Variants in DCC observed in about 807,000 individuals in gnomAD.
DCC encodes the protein netrin receptor DCC.
Under a neutral mutation model 172.5 loss-of-function variants are expected in DCC, and 58 were observed. The ratio of observed to expected loss-of-function variants is 0.34; its 90% CI spans 0.27 to 0.42. The LOEUF (loss-of-function observed/expected upper bound fraction) is 0.42, where lower values mean the gene tolerates loss of function less well. DCC is among the 10% of genes least tolerant of loss of function. The pLI is 1.00. For synonymous variants in DCC, 709 were observed against 644.5 expected (o/e 1.10, Z -1.52); for missense variants, 1,740 against 1,791.0 (o/e 0.97, Z 0.51).
chr18:53,414,152 A>G (rs771634331), intron 20 of DCC, among the ~76,000 whole-genome samples: 1 of 152,200 alleles, frequency 6.6e-6, no homozygotes, highest in Non-Finnish European at 1.5e-5. Context: ...ATGTTTGTTA[A>G]ATCTTGACAA....
At chr18:52,632,628 G>A (rs1370752867) in intron 1 of DCC, among the ~76,000 whole-genome samples, 3 of 152,144 alleles carry the variant, frequency 2.0e-5, no homozygotes, top group South Asian at 2.1e-4. Context: ...CTTTTCTCCT[G>A]TTATCCTTCT....
At chr18:53,294,654 A>G (rs1455786623) in intron 12 of DCC, among the ~76,000 whole-genome samples, 1 of 152,022 alleles carries the variant, frequency 6.6e-6, no homozygotes, top group African/African-American at 2.4e-5. Flanking sequence ...ATGAAGGGGG[A>G]CTCACCCGGA....
chr18:53,515,480 A>T (rs2144562845), intron 27 of DCC, among the ~76,000 whole-genome samples: 1 of 149,984 alleles, frequency 6.7e-6, no homozygotes, highest in African/African-American at 2.4e-5. Flanking sequence ...AATAAAGGGT[A>T]TTCAATTAGG....
intron 12 of DCC, among the ~76,000 whole-genome samples, chr18:53,247,076 A>G (rs1441677355): frequency 6.6e-6 from 1 of 152,084 alleles, no homozygotes; most frequent in African/African-American, 2.4e-5. Context: ...TTACACTTCT[A>G]CTGAAGTAAA....
Position 53,450,473 on chromosome 18 carries a change from G to A in DCC, c.3230-27G>A, listed in dbSNP as rs748891932. 4.3e-6 allele frequency: 7 copies of A among 1,613,142 alleles called. No individual in the cohort carries two copies. The East Asian group carries it at 1.6e-4, about 36-fold the overall frequency. ...ACTTCTGCCACATCTTCCTAAACCTGAACTCCATTTTCCTGTCTTTTCCCA... is the reference window on the plus strand; with the variant it reads ...ACTTCTGCCACATCTTCCTAAACCTAAACTCCATTTTCCTGTCTTTTCCCA... On this transcript the variant is annotated intron_variant, in intron 22 of 28. Transcript: ENST00000442544.
At chr18:53,292,883 C>T (rs1394482305) in intron 12 of DCC, among the ~76,000 whole-genome samples, 1 of 152,134 alleles carries the variant, frequency 6.6e-6, no homozygotes, top group Non-Finnish European at 1.5e-5. Flanking sequence ...GAAACCCAAT[C>T]ATGTGAGGCC....
chr18:53,077,217 A>G (rs1283613824), intron 7 of DCC, among the ~76,000 whole-genome samples: 1 of 152,084 alleles, frequency 6.6e-6, no homozygotes, highest in Non-Finnish European at 1.5e-5. Flanking sequence ...ATATATATAT[A>G]TATAGTCCTA....
chr18:52,498,814 C>T (rs1039975754), intron 1 of DCC, among the ~76,000 whole-genome samples: 1 of 152,028 alleles, frequency 6.6e-6, no homozygotes, highest in Non-Finnish European at 1.5e-5. Flanking sequence ...ATGTCTCTTC[C>T]TCTTGTAATA....
At chr18:52,364,013 C>A (rs1243357570) in intron 1 of DCC, among the ~76,000 whole-genome samples, 3 of 152,190 alleles carry the variant, frequency 2.0e-5, no homozygotes, top group African/African-American at 4.8e-5. Context: ...TCTCTGGCCC[C>A]CTGAGACTGA....
chr18:52,389,323 G>T (rs1230968565), intron 1 of DCC, among the ~76,000 whole-genome samples: 1 of 152,058 alleles, frequency 6.6e-6, no homozygotes, highest in African/African-American at 2.4e-5. Flanking sequence ...ATAATTTTTA[G>T]TATATCTCAA....
At chr18:52,444,236 G>T (rs1988055983) in intron 1 of DCC, among the ~76,000 whole-genome samples, 1 of 152,164 alleles carries the variant, frequency 6.6e-6, no homozygotes, top group South Asian at 2.1e-4. Context: ...AAAATGAGGT[G>T]TTTCCCTAAT....
At chr18:52,618,364 T>C (rs1018002343) in intron 1 of DCC, among the ~76,000 whole-genome samples, 3 of 152,212 alleles carry the variant, frequency 2.0e-5, no homozygotes, top group African/African-American at 7.2e-5. Flanking sequence ...TTTGTTTCTA[T>C]ATAATCCCCT....
At chr18:52,536,931 T>C (rs2032306798) in intron 1 of DCC, among the ~76,000 whole-genome samples, 1 of 152,228 alleles carries the variant, frequency 6.6e-6, no homozygotes, top group Admixed American at 6.5e-5. Context: ...AGTTTAGTTA[T>C]TATTTTCTTC....
Position 52,373,359 on chromosome 18 carries a change from G to T in DCC, c.91+32481G>T, listed in dbSNP as rs115951168. On this transcript the variant is annotated intron_variant, in intron 1 of 28. Transcript: ENST00000442544. ...TTCTATGCTGTTCTACTTTTGAGGGGGCTTTCACAAATAAGTAGTGCCCAC... is the reference window on the plus strand; with the variant it reads ...TTCTATGCTGTTCTACTTTTGAGGGTGCTTTCACAAATAAGTAGTGCCCAC... Among the ~76,000 whole-genome samples, 267 of 152,168 alleles carry T rather than the reference G, an allele frequency of 1.8e-3. 1 individual carries two copies. Among genetic ancestry groups the T allele is most frequent in the African/African-American group, 5.9e-3 (244 of 41,506 alleles).
At chr18:52,343,775 T>C (rs1343828576) in intron 1 of DCC, among the ~76,000 whole-genome samples, 1 of 152,258 alleles carries the variant, frequency 6.6e-6, no homozygotes, top group Non-Finnish European at 1.5e-5. Flanking sequence ...CTGGATATGC[T>C]GAAATGAGGC....
intron 7 of DCC, among the ~76,000 whole-genome samples, chr18:53,144,037 GTACATA>G (rs2043869294): frequency 6.6e-6 from 1 of 152,130 alleles, no homozygotes; most frequent in Non-Finnish European, 1.5e-5. Flanking sequence ...GAAATGAAAG[GTACATA>G]TGCTGACCCT....
At chr18:52,897,263 T>C (rs543662553) in intron 2 of DCC, among the ~76,000 whole-genome samples, 3 of 152,206 alleles carry the variant, frequency 2.0e-5, no homozygotes, top group Non-Finnish European at 2.9e-5. Flanking sequence ...AAAGACTTAG[T>C]TGATGGCCTT....
chr18:52,649,979 T>TA (rs2035098805), intron 1 of DCC, among the ~76,000 whole-genome samples: 2 of 147,362 alleles, frequency 1.4e-5, no homozygotes, highest in Non-Finnish European at 3.0e-5. Context: ...TTCTATTTTT[T>TA]TTTTTTTTTT....
At chr18:52,926,832 CAT>C (rs1239746366) in intron 5 of DCC, among the ~76,000 whole-genome samples, 6 of 107,450 alleles carry the variant, frequency 5.6e-5, no homozygotes, top group Non-Finnish European at 9.6e-5. Flanking sequence ...TATACATATA[CAT>C]ACACACACAC....
Sources: gnomAD v4.1 joint callset for allele counts (sites outside exome capture counted in the v4.1 genomes callset) on GRCh38, gnomAD v4.1.1 for gene constraint, MANE v1.5 for transcripts, NCBI Gene and HGNC (gene_info 2026-07-23, HGNC 2026-07-21) for gene names.